KRT85: variants seen among roughly 807,000 people sequenced by gnomAD.
KRT85 encodes keratin 85, also known as keratin, type II cuticular Hb5.
KRT85 carries 39 observed loss-of-function variants against 53.7 expected under a neutral mutation model. The ratio of observed to expected loss-of-function variants is 0.73; its 90% CI spans 0.56 to 0.95. The LOEUF (loss-of-function observed/expected upper bound fraction) is 0.95. KRT85 is among the 40% of genes least tolerant of loss of function. The pLI is 0.00. For synonymous variants in KRT85, 291 were observed against 277.5 expected, an observed-to-expected ratio of 1.05 and a Z score of -0.48; for missense variants, 668 against 686.0, an observed-to-expected ratio of 0.97 and a Z score of 0.29.
chr12:52,363,368 T>C lies in KRT85; in HGVS notation c.829A>G (p.Ile277Val), dbSNP rs1939223654. 6.2e-7 allele frequency: 1 copy of C among 1,614,078 alleles called. No individual in the cohort carries two copies. Among genetic ancestry groups the C allele is most frequent in the Admixed American group, 1.7e-5 (1 of 60,010 alleles). ...TCTCGGCTGTTGTCCATCTTGACTATGACCGAGGTGTCTGAGATGTGGGCT... is the reference window on the plus strand; with the variant it reads ...TCTCGGCTGTTGTCCATCTTGACTACGACCGAGGTGTCTGAGATGTGGGCT... ...LQAHISDTSV[I>V]VKMDNSRDLN... is the part of the protein sequence containing the mutation. Residue 277 changes from isoleucine (I) to valine (V), a missense_variant, in exon 5 of 9, where the codon ATA becomes GTA. By Grantham distance (29) the Ile-to-Val change is conservative. Around this residue, in one of 3 missense-constraint regions of KRT85, gnomAD observed 488 missense variants for 498.1 expected, o/e 0.98. Transcript: ENST00000257901.
intron 4 of KRT85, among the ~76,000 whole-genome samples, chr12:52,363,724 A>C (rs1939229568): frequency 6.6e-6 from 1 of 152,182 alleles, no homozygotes. Context: ...TAGTCAGTCC[A>C]TTAATGAGGA....
At chr12:52,363,019 C>A in intron 5 of KRT85, 40 bp from the exon 6 acceptor site, 1 of 1,613,980 alleles carries the variant, frequency 6.2e-7, no homozygotes, top group South Asian at 1.1e-5. Context: ...CAGGGTGGGG[C>A]CCCCCATCCA....
intron 1 of KRT85, 92 bp from the exon 2 acceptor site, chr12:52,365,262 T>C (rs1331422496): frequency 7.4e-7 from 1 of 1,354,852 alleles, no homozygotes; most frequent in Non-Finnish European, 1.0e-6. Context: ...GCTGGCTGAA[T>C]GGGCTGAGCC....
At chr12:52,363,968 T>C in intron 4 of KRT85, 100 bp downstream of exon 4, 2 of 924,846 alleles carry the variant, frequency 2.2e-6, no homozygotes, top group Admixed American at 1.7e-5. Context: ...ACATTGCACA[T>C]TGGCAAACAT....
chr12:52,364,206 G>A (rs1163698416), intron 3 of KRT85, 43 bp from the exon 4 acceptor site: 4 of 1,612,656 alleles, frequency 2.5e-6, no homozygotes, highest in Non-Finnish European at 3.4e-6. Context: ...TGTGAGAGGA[G>A]ACCAAAGAAA....
Position 52,362,413 on chromosome 12 carries a change from C to T in KRT85, c.1136G>A (p.Ser379Asn), listed in dbSNP as rs370181860. 6.7e-5 allele frequency: 108 copies of T among 1,614,050 alleles called. No individual in the cohort carries two copies. The highest frequency in any genetic ancestry group is 8.6e-5 in the Non-Finnish European group (102 of 1,180,036). ...CTCAGCCAGCTTGCAGCGGGCATCG[C>T]TGAGGGCCGCCTCACCCTGCTGCTC... ...EAEQQGEAAL[S>N]DARCKLAELE... The change falls in exon 7 of 9, where the codon AGC becomes AAC. Residue 379 changes from serine (S) to asparagine (N), a missense_variant. Physicochemically the swap from Ser to Asn is conservative, Grantham distance 46 (BLOSUM62 1). Transcript: ENST00000257901.
chr12:52,361,111 C>T (rs888503990), intron 8 of KRT85, 65 bp from the exon 9 acceptor site: 194 of 1,396,038 alleles, frequency 1.4e-4, no homozygotes, highest in Non-Finnish European at 1.8e-4. Flanking sequence ...CTACAACAGG[C>T]CCCAGGGCAC....
rs1048168636 is a variant in KRT85, at chr12:52,360,167, G to A, written c.*686C>T. On this transcript the variant is annotated 3_prime_UTR_variant, in exon 9 of 9. Transcript: ENST00000257901. ...CCTGCACCCAGCAAGGGGGCATCTGGAGCAGCCATGGAGTCTTCTTTGAAA... is the reference window on the plus strand; with the variant it reads ...CCTGCACCCAGCAAGGGGGCATCTGAAGCAGCCATGGAGTCTTCTTTGAAA... The A allele has an allele frequency of 1.9e-5, 3 of 156,388 alleles. No individual in the cohort carries two copies. Among genetic ancestry groups the A allele is most frequent in the African/African-American group, 7.2e-5 (3 of 41,436 alleles). 9.7% of individuals were successfully genotyped at this position (156,388 alleles called of 1,614,324 possible). A position where few individuals can be genotyped will look rare whatever the true frequency, so the allele number is the denominator to read the frequency against.
Position 52,362,307 on chromosome 12 carries a change from C to T in KRT85, c.1242G>A (p.Leu414=). ...AGGTGGCGATCTCGATGTCCAGGCC[C>T]AGCTTGGAGTTCATCACCTCCTGGT... The part of the protein sequence containing the change: ...KEYQEVMNSK[L]GLDIEIATYR... The change falls in exon 7 of 9, where the codon CTG becomes CTA. Residue 414 remains leucine, a synonymous_variant. Coordinates refer to ENST00000257901, the MANE Select transcript of KRT85 (RefSeq NM_002283.4). The T allele has an allele frequency of 6.2e-7, 1 of 1,614,168 alleles. No homozygotes were observed. The highest frequency in any genetic ancestry group is 8.5e-7 in the Non-Finnish European group (1 of 1,180,026).
Position 52,360,899 on chromosome 12 carries a change from G to A in KRT85, c.1478C>T (p.Ser493Phe), listed in dbSNP as rs1298268427. Residue 493 changes from serine (S) to phenylalanine (F), a missense_variant, in exon 9 of 9, where the codon TCC (serine) becomes TTC (phenylalanine). By Grantham distance (155) the Ser-to-Phe change is radical. Around this residue, in one of 3 missense-constraint regions of KRT85, gnomAD observed 488 missense variants for 498.1 expected, o/e 0.98. Transcript: ENST00000257901. ...PDSCAPCQPR[S>F]SSFSCGSSRS... ...GCTACTCCCGCAGCTGAAGCTGGAG[G>A]AACGAGGCTGGCAGGGGGCACAGGA... 3 of 1,612,500 alleles carry A rather than the reference G, an allele frequency of 1.9e-6. No individual in the cohort carries two copies. The highest frequency in any genetic ancestry group is 1.7e-6 in the Non-Finnish European group (2 of 1,180,018).
chr12:52,365,304 C>T (rs994430405), intron 1 of KRT85, 134 bp from the exon 2 acceptor site: 23 of 944,834 alleles, frequency 2.4e-5, no homozygotes, highest in Non-Finnish European at 3.8e-5. Flanking sequence ...TCAAGGGGCC[C>T]ATTCCCAGGC....
In KRT85 at chr12:52,362,583, C is replaced by T. The variant is rs117192433; in HGVS notation, c.1078-112G>A. 1.3e-4 allele frequency: 180 copies of T among 1,394,114 alleles called. No homozygotes were observed. The East Asian group carries it at 2.8e-3, about 22-fold the overall frequency. 86.4% of individuals were successfully genotyped at this position (1,394,114 alleles called of 1,614,324 possible). Reference sequence around the variant, plus strand: ...GAGGGTCCTGGAGAGAAGGTTGGCCCGTGGCCAGGTAGTTAATGGGGCTGT... The same window carrying T: ...GAGGGTCCTGGAGAGAAGGTTGGCCTGTGGCCAGGTAGTTAATGGGGCTGT... On this transcript the variant is annotated intron_variant, in intron 6 of 8. Transcript: ENST00000257901.
intron 6 of KRT85, 117 bp from the exon 7 acceptor site, chr12:52,362,588 C>T (rs889554542): frequency 1.5e-5 from 20 of 1,364,888 alleles, no homozygotes; most frequent in Middle Eastern, 3.6e-4. Flanking sequence ...TGGCCCGTGG[C>T]CAGGTAGTTA....
chr12:52,363,493 C>T, intron 4 of KRT85, 83 bp from the exon 5 acceptor site: 1 of 1,468,712 alleles, frequency 6.8e-7, no homozygotes, highest in Non-Finnish European at 9.5e-7. Context: ...TGTCCACTTC[C>T]CAGACCGGGC....
chr12:52,362,436 C>T lies in KRT85; in HGVS notation c.1113G>A (p.Glu371=), dbSNP rs761197825. The T allele has an allele frequency of 5.0e-6, 8 of 1,614,202 alleles. No homozygotes were observed. The highest frequency in any genetic ancestry group is 5.1e-6 in the Non-Finnish European group (6 of 1,180,048). Residue 371 remains glutamate (E), a synonymous_variant, in exon 7 of 9, where the codon GAG becomes GAA. Transcript: ENST00000257901. ...CGCTGAGGGCCGCCTCACCCTGCTG[C>T]TCTGCCTCAGCCACAGCAGCCTCCA... is the stretch of plus-strand genomic sequence containing the variant. ...AKLEAAVAEA[E]QQGEAALSDA... is the part of the protein sequence containing the mutation.
intron 1 of KRT85, 82 bp downstream of exon 1, chr12:52,366,904 T>C: frequency 6.2e-7 from 1 of 1,610,112 alleles, no homozygotes; most frequent in Admixed American, 1.7e-5. Flanking sequence ...CCGGCAGCCA[T>C]CCTGTCTCCT....
At chr12:52,361,205 T>C (rs760570090) in intron 8 of KRT85, among the ~76,000 whole-genome samples, 159 bp from the exon 9 acceptor site, 1 of 152,148 alleles carries the variant, frequency 6.6e-6, no homozygotes, top group Non-Finnish European at 1.5e-5. Flanking sequence ...TCTAGGGAAC[T>C]GGGGCAGGAA....
rs1476443554 is a variant in KRT85, at chr12:52,367,387, T to C, written c.19A>G (p.Arg7Gly). MSCRSY[R>G]ISSGCGVTRN... ...GTGACCCCGCATCCTGAGCTGATCC[T>C]GTAGGAGCGGCACGACATCGTGTGA... The change falls in exon 1 of 9, where the codon AGG (arginine) becomes GGG (glycine). Residue 7 changes from arginine (R) to glycine (G), a missense_variant. By Grantham distance (125) the Arg-to-Gly change is moderately radical (BLOSUM62 -2). Transcript: ENST00000257901. 1 of 1,614,054 alleles carries C rather than the reference T, an allele frequency of 6.2e-7. No individual in the cohort carries two copies. Among genetic ancestry groups the C allele is most frequent in the Non-Finnish European group, 8.5e-7 (1 of 1,180,018 alleles).
intron 2 of KRT85, chr12:52,364,622 T>G (rs1338801201): frequency 1.4e-6 from 2 of 1,440,216 alleles, no homozygotes; most frequent in African/African-American, 2.9e-5. Context: ...AAATCATCTG[T>G]GCATCCTAGG....
Sources: gnomAD v4.1 joint callset for allele counts (sites outside exome capture counted in the v4.1 genomes callset) on GRCh38, gnomAD v4.1.1 for gene constraint, gnomAD v4.1.1 regional missense constraint, MANE v1.5 for transcripts, NCBI Gene and HGNC (gene_info 2026-07-23, HGNC 2026-07-21) for gene names.